Variants in SEMA6D observed in about 807,000 individuals in gnomAD.
The protein encoded by SEMA6D is semaphorin 6D.
In SEMA6D, 35 loss-of-function variants were observed where a neutral mutation model predicts 106.6. The observed-to-expected ratio is 0.33, with a 90% CI of 0.25 to 0.44. The LOEUF (loss-of-function observed/expected upper bound fraction) is 0.44. Ranked by LOEUF, SEMA6D falls within the 20% of genes least tolerant of loss-of-function variation. The pLI is 1.00. For synonymous variants in SEMA6D, 499 were observed against 487.7 expected (o/e 1.02, Z -0.31); for missense variants, 1,185 against 1,345.9 (o/e 0.88, Z 1.87).
At chr15:47,753,565 G>A (rs2081559854) in intron 1 of SEMA6D, among the ~76,000 whole-genome samples, 1 of 152,230 alleles carries the variant, frequency 6.6e-6, no homozygotes, top group Non-Finnish European at 1.5e-5. Context: ...GTCCTGATGA[G>A]AAAGTAGAGC....
chr15:47,419,155 G>A (rs912740374), intron 2 of SEMA6D, among the ~76,000 whole-genome samples: 1 of 152,104 alleles, frequency 6.6e-6, no homozygotes, highest in Non-Finnish European at 1.5e-5. Flanking sequence ...GAGTTAGGGT[G>A]TTAGAAGGAG....
intron 2 of SEMA6D, among the ~76,000 whole-genome samples, chr15:47,448,124 G>A (rs1335729552): frequency 1.3e-5 from 2 of 152,066 alleles, no homozygotes; most frequent in Non-Finnish European, 2.9e-5. Flanking sequence ...CTTTGCACAG[G>A]CTGGCTTGCT....
intron 3 of SEMA6D, among the ~76,000 whole-genome samples, chr15:47,546,460 T>A (rs2045524901): frequency 6.6e-6 from 1 of 152,174 alleles, no homozygotes. Flanking sequence ...TAACCCGCAC[T>A]GGACATATGT....
chr15:47,739,865 C>T (rs923543094), intron 1 of SEMA6D, among the ~76,000 whole-genome samples: 22 of 152,174 alleles, frequency 1.4e-4, no homozygotes, highest in Non-Finnish European at 2.8e-4. Context: ...ATAATATCAA[C>T]ACAATAACCA....
At chr15:47,249,447 T>A (rs1286598603) in intron 1 of SEMA6D, among the ~76,000 whole-genome samples, 1 of 151,908 alleles carries the variant, frequency 6.6e-6, no homozygotes, top group African/African-American at 2.4e-5. Context: ...AAATCATGTT[T>A]TTTTTTTTCT....
rs1340138211 is a variant in SEMA6D, at chr15:47,773,036, G to A, written c.*1251G>A. Reference sequence around the variant, plus strand: ...GTCATGCAGGTAATGACAATATACTGTAAATACCACATGTGAGTTTACCTG... The same window carrying A: ...GTCATGCAGGTAATGACAATATACTATAAATACCACATGTGAGTTTACCTG... On this transcript the variant is annotated 3_prime_UTR_variant, in exon 19 of 19. Coordinates refer to ENST00000536845, the MANE Select transcript of SEMA6D (RefSeq NM_001358351.3). The A allele has an allele frequency of 6.6e-6, 1 of 152,494 alleles. No homozygotes were observed. 9.4% of individuals were successfully genotyped at this position (152,494 alleles called of 1,614,324 possible).
At chr15:47,248,218 G>T (rs1044383950) in intron 1 of SEMA6D, among the ~76,000 whole-genome samples, 2 of 152,092 alleles carry the variant, frequency 1.3e-5, no homozygotes, top group Non-Finnish European at 2.9e-5. Context: ...AAGAAGCTAG[G>T]TTCCCCATAT....
chr15:47,595,437 G>A (rs1247792781), intron 3 of SEMA6D, among the ~76,000 whole-genome samples: 1 of 152,138 alleles, frequency 6.6e-6, no homozygotes, highest in African/African-American at 2.4e-5. Context: ...CTTGATCATG[G>A]TGAATCACAC....
At chr15:47,416,545 T>C (rs942272825) in intron 2 of SEMA6D, among the ~76,000 whole-genome samples, 1 of 152,142 alleles carries the variant, frequency 6.6e-6, no homozygotes, top group African/African-American at 2.4e-5. Context: ...ATACTACTAA[T>C]AGTCAAACAG....
intron 1 of SEMA6D, among the ~76,000 whole-genome samples, chr15:47,250,328 A>AAGAG (rs1203380728): frequency 6.6e-6 from 1 of 150,894 alleles, no homozygotes; most frequent in Non-Finnish European, 1.5e-5. Flanking sequence ...AGAGCATTAA[A>AAGAG]AGAGAGAGAG....
chr15:47,519,126 CG>C (rs1566851810), intron 3 of SEMA6D, among the ~76,000 whole-genome samples: 2 of 151,856 alleles, frequency 1.3e-5, no homozygotes, highest in Admixed American at 6.6e-5. Flanking sequence ...AATAAATAAA[CG>C]TTAAAAATTA....
intron 1 of SEMA6D, among the ~76,000 whole-genome samples, chr15:47,192,603 A>C (rs1770724797): frequency 1.3e-5 from 2 of 152,160 alleles, no homozygotes; most frequent in Admixed American, 6.5e-5. Context: ...ATAACTATTG[A>C]TAAGGTAAAA....
chr15:47,354,424 T>C (rs2038475880), intron 1 of SEMA6D, among the ~76,000 whole-genome samples: 1 of 147,742 alleles, frequency 6.8e-6, no homozygotes, highest in Non-Finnish European at 1.5e-5. Flanking sequence ...CATATACATA[T>C]ACCTATATAT....
At chr15:47,409,781 C>G (rs1014132259) in intron 1 of SEMA6D, among the ~76,000 whole-genome samples, 1 of 151,700 alleles carries the variant, frequency 6.6e-6, no homozygotes, top group African/African-American at 2.4e-5. Flanking sequence ...TCTGTTGAGT[C>G]ATAGTCCACC....
At chr15:47,576,045 T>C (rs927071909) in intron 3 of SEMA6D, among the ~76,000 whole-genome samples, 1 of 152,178 alleles carries the variant, frequency 6.6e-6, no homozygotes. Context: ...ACAAAACGAC[T>C]CACAATGATA....
At chr15:47,693,951 C>CA (rs1238672875) in intron 4 of SEMA6D, among the ~76,000 whole-genome samples, 2 of 151,866 alleles carry the variant, frequency 1.3e-5, no homozygotes, top group Non-Finnish European at 2.9e-5. Context: ...CTGGAAAAAA[C>CA]AAAAAAATCT....
At chr15:47,593,931 C>T (rs2076489841) in intron 3 of SEMA6D, among the ~76,000 whole-genome samples, 2 of 152,214 alleles carry the variant, frequency 1.3e-5, no homozygotes, top group Admixed American at 1.3e-4. Flanking sequence ...AGGATCCACC[C>T]TCATGAGCTA....
At chr15:47,353,033 G>T (rs2038388257) in intron 1 of SEMA6D, among the ~76,000 whole-genome samples, 1 of 151,374 alleles carries the variant, frequency 6.6e-6, no homozygotes, top group Non-Finnish European at 1.5e-5. Context: ...TTAGGGTTTT[G>T]ATTTGTTTTC....
chr15:47,443,120 G>A (rs1289040108), intron 2 of SEMA6D, among the ~76,000 whole-genome samples: 6 of 152,070 alleles, frequency 3.9e-5, no homozygotes, highest in African/African-American at 1.4e-4. Flanking sequence ...CTATCACATG[G>A]AATGTAATGA....
Sources: allele counts gnomAD v4.1 joint callset (sites outside exome capture counted in the v4.1 genomes callset), GRCh38; gene constraint gnomAD v4.1.1; transcripts MANE v1.5; gene names NCBI Gene and HGNC (gene_info 2026-07-23, HGNC 2026-07-21).